FLT1: variants seen among roughly 807,000 people sequenced by gnomAD.
FLT1 encodes the protein vascular endothelial growth factor receptor 1.
In FLT1, 49 loss-of-function variants were observed where a neutral mutation model predicts 156.3. The observed-to-expected ratio is 0.31, with a 90% CI of 0.25 to 0.40. The LOEUF (loss-of-function observed/expected upper bound fraction) is 0.40, where lower values mean the gene tolerates loss of function less well. FLT1 is among the 10% of genes least tolerant of loss of function. The pLI is 1.00. For synonymous variants in FLT1, 594 were observed against 583.8 expected (o/e 1.02, Z -0.25); for missense variants, 1,322 against 1,637.2 (o/e 0.81, Z 3.32).
At chr13:28,368,120 A>G in intron 14 of FLT1, 1 of 708,366 alleles carries the variant, frequency 1.4e-6, no homozygotes, top group Non-Finnish European at 1.7e-6. Context: ...GTTTAATAGA[A>G]TAAAAAGTGA....
intron 17 of FLT1, among the ~76,000 whole-genome samples, chr13:28,337,758 G>T (rs943323003): frequency 2.6e-5 from 4 of 152,242 alleles, no homozygotes; most frequent in African/African-American, 9.6e-5. Flanking sequence ...CTGTGATGTG[G>T]TGTGGATCAC....
intron 10 of FLT1, among the ~76,000 whole-genome samples, chr13:28,423,980 C>T (rs945265137): frequency 2.6e-5 from 4 of 151,758 alleles, no homozygotes; most frequent in South Asian, 2.1e-4. Context: ...AGCGGAGTTT[C>T]GCTCTTGTTG....
rs145985203 is a variant in FLT1, at chr13:28,322,866, G to A, written c.2877C>T (p.Ser959=). The A allele has an allele frequency of 6.6e-5, 106 of 1,613,952 alleles. No individual in the cohort carries two copies. The African/African-American group carries it at 7.5e-4, about 11-fold the overall frequency. ...TCGCAAAGCTTTCGCTGCTGGTGAC[G>A]CTATCTAGTCTTGGTTTCTTGCCTT... ...LEQGKKPRLD[S]VTSSESFASS... Residue 959 remains serine (S), a synonymous_variant, in exon 21 of 30, where the codon AGC becomes AGT. Transcript: ENST00000282397. This position sits in a 1 kb window ranked among gnomAD's most constrained non-coding sequence, Gnocchi z 4.3.
intron 10 of FLT1, among the ~76,000 whole-genome samples, chr13:28,412,397 T>TTTCTTTCTTTCCTTCTTTCTTTCC (rs1876342296): frequency 7.8e-6 from 1 of 127,930 alleles, no homozygotes; most frequent in East Asian, 2.2e-4. Flanking sequence ...TCTTTCTTTC[T>TTTCTTTCTTTCCTTCTTTCTTTCC]TTCTTTCTTT....
At position 28,388,137 on chromosome 13, in the gene FLT1, A is replaced by C. The variant is rs1874480838; in HGVS notation, c.1969+1659T>G. On this transcript the variant is annotated intron_variant, in intron 13 of 29. Coordinates refer to ENST00000282397, the MANE Select transcript of FLT1 (RefSeq NM_002019.4). Reference sequence around the variant, plus strand: ...TATAATGAACAAAGAAGCCAGGCCAAAGAGCCATAGGTAAAATTTCAAGAT... The same window carrying C: ...TATAATGAACAAAGAAGCCAGGCCACAGAGCCATAGGTAAAATTTCAAGAT... 3.8e-6 allele frequency: 4 copies of C among 1,057,750 alleles called. No individual in the cohort carries two copies. The African/African-American group carries it at 6.6e-5, about 17-fold the overall frequency. The allele number at this position is 1,057,750 out of a possible 1,614,324, so 65.5% of individuals were successfully genotyped here. A position where few individuals can be genotyped will look rare whatever the true frequency, so the allele number is the denominator to read the frequency against.
intron 3 of FLT1, among the ~76,000 whole-genome samples, chr13:28,451,731 A>T (rs1878953169): frequency 6.6e-6 from 1 of 152,064 alleles, no homozygotes; most frequent in South Asian, 2.1e-4. Context: ...CCACCACGGG[A>T]CTCTCTAGGG....
chr13:28,428,243 G>A (rs529517641), intron 8 of FLT1, among the ~76,000 whole-genome samples: 15 of 152,216 alleles, frequency 9.9e-5, no homozygotes, highest in South Asian at 8.3e-4. Flanking sequence ...GATTCCATCC[G>A]AGATGTTTTT....
At chr13:28,317,861 T>C (rs956141918) in intron 24 of FLT1, among the ~76,000 whole-genome samples, 3 of 152,224 alleles carry the variant, frequency 2.0e-5, no homozygotes, top group African/African-American at 7.2e-5. Context: ...CTTCTGCCTG[T>C]GTGGTCAGAG....
rs907080923 is a variant in FLT1, at chr13:28,360,947, C to T, written c.2117-3262G>A. 9.9e-5 allele frequency among the ~76,000 whole-genome samples: 15 copies of T among 152,102 alleles called. No individual in the cohort carries two copies. The East Asian group carries it at 2.7e-3, about 27-fold the overall frequency. On this transcript the variant is annotated intron_variant, in intron 14 of 29. Coordinates refer to ENST00000282397, the MANE Select transcript of FLT1 (RefSeq NM_002019.4). ...TTAATATTAAAACATCACACTGTAC[C>T]CCATGCATATATATAATTATTATTA...
rs1166990612 is a variant in FLT1 at position 28,302,116 on chromosome 13, T to C, written c.*1051A>G. 1 of 229,552 alleles carries C rather than the reference T, an allele frequency of 4.4e-6. No individual in the cohort carries two copies. Among genetic ancestry groups the C allele is most frequent in the Non-Finnish European group, 8.5e-6 (1 of 117,834 alleles). The allele number at this position is 229,552 out of a possible 1,614,324, so 14.2% of individuals were successfully genotyped here. On this transcript the variant is annotated 3_prime_UTR_variant, in exon 30 of 30. Coordinates refer to ENST00000282397, the MANE Select transcript of FLT1 (RefSeq NM_002019.4). ...ATTGACCTTTTTCCTCCATCAGCCC[T>C]CGTTTTGATATGGAGAAAACTCCTC...
intron 10 of FLT1, among the ~76,000 whole-genome samples, chr13:28,422,309 A>G (rs1004561350): frequency 3.0e-5 from 2 of 66,970 alleles, no homozygotes; most frequent in Non-Finnish European, 3.4e-5. Flanking sequence ...GATGTTACCT[A>G]AGTTTTTTTC....
Position 28,405,788 on chromosome 13 carries a change from T to C in FLT1, c.1543A>G (p.Lys515Glu). 6.4e-7 allele frequency: 1 copy of C among 1,552,448 alleles called. No individual in the cohort carries two copies. The highest frequency in any genetic ancestry group is 1.1e-5 in the South Asian group (1 of 89,838). Residue 515 changes from lysine (K) to glutamate (E), a missense_variant, in exon 11 of 30, where the codon AAG becomes GAG. Transcript: ENST00000282397. ...ATTTTTACAAACAATACCTTATTCT[T>C]TCCTTCTATTATTGCCATGCGCTGA... is the stretch of plus-strand genomic sequence containing the variant. The part of the protein sequence containing the change: ...ITQRMAIIEG[K>E]NKMASTLVVA...
rs2138800865 is a variant in FLT1, at chr13:28,302,681, CT to C, written c.*485del. 4.2e-6 allele frequency: 1 copy of C among 235,480 alleles called. No individual in the cohort carries two copies. The highest frequency in any genetic ancestry group is 8.4e-6 in the Non-Finnish European group (1 of 119,614). 14.6% of individuals were successfully genotyped at this position (235,480 alleles called of 1,614,324 possible). ...TTTCTCTTTTCTCCCTTGCTTTTTG[CT>C]TTTTTTCCTTTTCCTCCTCACATGT... On this transcript the variant is annotated 3_prime_UTR_variant, in exon 30 of 30. Transcript: ENST00000282397.
Position 28,494,994 on chromosome 13 carries a change from G to A in FLT1, c.-151C>T. On this transcript the variant is annotated 5_prime_UTR_variant, in exon 1 of 30. Coordinates refer to ENST00000282397, the MANE Select transcript of FLT1 (RefSeq NM_002019.4). ...CAGCCAGGAGACAACCACTTCCCCG[G>A]GTAATCCTCGCCGCCAGGCGCCCGC... 3.6e-6 allele frequency: 2 copies of A among 549,258 alleles called. No homozygotes were observed. The highest frequency in any genetic ancestry group is 6.1e-5 in the South Asian group (2 of 32,794). 34.0% of individuals were successfully genotyped at this position (549,258 alleles called of 1,614,324 possible).
At chr13:28,458,177 CA>C (rs1321265947) in intron 3 of FLT1, among the ~76,000 whole-genome samples, 2 of 152,178 alleles carry the variant, frequency 1.3e-5, no homozygotes, top group Non-Finnish European at 2.9e-5. Flanking sequence ...CTGCCCACTT[CA>C]GCCTCCCAAA....
intron 3 of FLT1, among the ~76,000 whole-genome samples, chr13:28,450,926 A>G (rs1410793280): frequency 6.6e-6 from 1 of 152,150 alleles, no homozygotes; most frequent in African/African-American, 2.4e-5. Context: ...TGACAATTAC[A>G]TCTTCAAATA....
chr13:28,470,765 A>G (rs1215628754), intron 1 of FLT1, among the ~76,000 whole-genome samples: 1 of 152,174 alleles, frequency 6.6e-6, no homozygotes, highest in African/African-American at 2.4e-5. Flanking sequence ...ATCTCAGCTC[A>G]CTGCAGCCTC....
chr13:28,385,129 C>G, intron 13 of FLT1, 98 bp from the exon 14 acceptor site: 2 of 1,260,420 alleles, frequency 1.6e-6, no homozygotes, highest in Non-Finnish European at 2.3e-6. Flanking sequence ...AACAGCAAAA[C>G]TCAACTATTA....
At chr13:28,332,750 T>C (rs1871979181) in intron 18 of FLT1, among the ~76,000 whole-genome samples, 1 of 152,326 alleles carries the variant, frequency 6.6e-6, no homozygotes, top group South Asian at 2.1e-4. Flanking sequence ...AGGATAATAA[T>C]GTCTACCTCA....
Sources: allele counts gnomAD v4.1 joint callset (sites outside exome capture counted in the v4.1 genomes callset), GRCh38; gene constraint gnomAD v4.1.1; non-coding constraint Gnocchi (gnomAD v3.1); transcripts MANE v1.5; gene names NCBI Gene and HGNC (gene_info 2026-07-23, HGNC 2026-07-21).